FAM13C: variants seen among roughly 807,000 people sequenced by gnomAD.
The protein encoded by FAM13C is protein FAM13C.
A neutral mutation model predicts 73.2 loss-of-function variants in FAM13C; 37 were observed. The ratio of observed to expected loss-of-function variants is 0.51; its 90% CI spans 0.39 to 0.67. The LOEUF is 0.67. Among genes scored for constraint, FAM13C ranks in the 30% least tolerant of loss-of-function variants. FAM13C has a pLI of 0.00. For missense variants in FAM13C, 589 were observed against 715.6 expected (o/e 0.82, Z 2.02); for synonymous variants, 246 against 260.9 (o/e 0.94, Z 0.55).
At chr10:59,264,369 A>C (rs2133483744) in intron 8 of FAM13C, among the ~76,000 whole-genome samples, 1 of 152,322 alleles carries the variant, frequency 6.6e-6, no homozygotes, top group African/African-American at 2.4e-5. Context: ...GGAAACAGTA[A>C]ATATTCTTGA....
intron 10 of FAM13C, 41 bp downstream of exon 10, chr10:59,262,393 G>A (rs1489491567): frequency 6.4e-7 from 1 of 1,556,808 alleles, no homozygotes. Flanking sequence ...GCACTGTGTG[G>A]ACTACAGGGG....
At chr10:59,313,134 G>A (rs73300164) in intron 4 of FAM13C, among the ~76,000 whole-genome samples, 3,820 of 152,246 alleles carry the variant, frequency 0.025, 168 homozygotes, top group African/African-American at 0.087. Flanking sequence ...TTGTATTAGC[G>A]TGGGATCATC....
At chr10:59,278,454 A>G (rs1844564014) in intron 6 of FAM13C, among the ~76,000 whole-genome samples, 1 of 152,234 alleles carries the variant, frequency 6.6e-6, no homozygotes, top group Non-Finnish European at 1.5e-5. Flanking sequence ...AAGAGCTTTT[A>G]CAGCAAAGGT....
intron 5 of FAM13C, among the ~76,000 whole-genome samples, chr10:59,290,307 G>A (rs989678615): frequency 2.0e-5 from 3 of 152,174 alleles, no homozygotes; most frequent in African/African-American, 7.2e-5. Context: ...TAGTTCGTAT[G>A]AAAGGCTTTA....
intron 10 of FAM13C, among the ~76,000 whole-genome samples, chr10:59,257,146 G>A (rs1842026313): frequency 6.6e-6 from 1 of 152,062 alleles, no homozygotes; most frequent in Non-Finnish European, 1.5e-5. Context: ...TAGTATCAGG[G>A]GTATAACTAA....
intron 3 of FAM13C, among the ~76,000 whole-genome samples, chr10:59,330,469 T>C (rs1851822336): frequency 1.3e-5 from 2 of 152,178 alleles, no homozygotes; most frequent in Non-Finnish European, 2.9e-5. Context: ...TCATGAGGCA[T>C]GCGAGTTTTC....
intron 4 of FAM13C, among the ~76,000 whole-genome samples, chr10:59,309,889 G>T (rs918911627): frequency 2.0e-5 from 3 of 152,138 alleles, no homozygotes; most frequent in African/African-American, 7.2e-5. Flanking sequence ...ATGGGCAGCT[G>T]CCAATTCTTA....
rs202246061 is a variant in FAM13C, at chr10:59,247,050, T to A, written c.*564A>T. 7.0e-6 allele frequency: 1 copy of A among 143,506 alleles called. No individual in the cohort carries two copies. The highest frequency in any genetic ancestry group is 2.0e-4 in the East Asian group (1 of 4,882). 8.9% of individuals were successfully genotyped at this position (143,506 alleles called of 1,614,324 possible). A position where few individuals can be genotyped will look rare whatever the true frequency, so the allele number is the denominator to read the frequency against. ...TTATTTTTATAGAGAAAGAAAAAAA[T>A]AGCAACACAATCTAGTTTATTTTAG... On this transcript the variant is annotated 3_prime_UTR_variant, in exon 14 of 14. Transcript: ENST00000618804.
At chr10:59,289,160 G>T (rs568102807) in intron 5 of FAM13C, among the ~76,000 whole-genome samples, 1 of 152,184 alleles carries the variant, frequency 6.6e-6, no homozygotes, top group South Asian at 2.1e-4. Context: ...TAGATTCCTC[G>T]CATGCGCAGT....
intron 6 of FAM13C, among the ~76,000 whole-genome samples, chr10:59,272,290 A>T (rs1319545076): frequency 6.6e-6 from 1 of 152,232 alleles, no homozygotes; most frequent in Non-Finnish European, 1.5e-5. Context: ...AAGCAACACC[A>T]GTCAAAAACT....
chr10:59,293,216 GGC>G (rs1846490846), intron 5 of FAM13C, among the ~76,000 whole-genome samples: 1 of 151,352 alleles, frequency 6.6e-6, no homozygotes, highest in South Asian at 2.1e-4. Context: ...TGGGACTACA[GGC>G]GCCCACCACC....
intron 8 of FAM13C, among the ~76,000 whole-genome samples, chr10:59,267,079 T>G (rs761027531): frequency 4.0e-5 from 6 of 151,856 alleles, no homozygotes; most frequent in Non-Finnish European, 8.8e-5. Context: ...AATCACAGAG[T>G]TCTTAAGTAG....
chr10:59,294,797 C>A (rs938891463), intron 5 of FAM13C, among the ~76,000 whole-genome samples: 6 of 152,176 alleles, frequency 3.9e-5, no homozygotes, highest in African/African-American at 1.2e-4. Flanking sequence ...GGATACTGCT[C>A]CAGCTGAGGA....
chr10:59,264,556 A>G (rs1275375981), intron 8 of FAM13C, among the ~76,000 whole-genome samples: 1 of 152,216 alleles, frequency 6.6e-6, no homozygotes, highest in African/African-American at 2.4e-5. Context: ...GTAGCACTGC[A>G]GATGACTGCA....
In FAM13C at chr10:59,288,895, G is replaced by A. The variant is rs1271032666; in HGVS notation, c.508-5448C>T. Reference sequence around the variant, plus strand: ...ACTTGTAAGTCCTCCTGAACAGAGAGTGGGGACTTGGACACACTGTGTGGG... The same window carrying A: ...ACTTGTAAGTCCTCCTGAACAGAGAATGGGGACTTGGACACACTGTGTGGG... On this transcript the variant is annotated intron_variant, in intron 5 of 13. Coordinates refer to ENST00000618804, the MANE Select transcript of FAM13C (RefSeq NM_198215.4). Among the ~76,000 whole-genome samples the A allele has an allele frequency of 3.9e-5, 6 of 152,170 alleles. 1 individual carries two copies. In the East Asian group the frequency reaches 1.2e-3, roughly 29 times the overall value.
chr10:59,344,964 C>A (rs1459759083), intron 3 of FAM13C, among the ~76,000 whole-genome samples: 5 of 152,114 alleles, frequency 3.3e-5, no homozygotes, highest in Non-Finnish European at 7.4e-5. Context: ...GTCGGTAGAT[C>A]TTGACTGGCC....
rs902656079 is a variant in FAM13C, at chr10:59,246,853, A to G, written c.*761T>C. ...CTATGGACACATTAGATTATATACT[A>G]CAGACACATATCTATCCAAAATACC... On this transcript the variant is annotated 3_prime_UTR_variant, in exon 14 of 14. Coordinates refer to ENST00000618804, the MANE Select transcript of FAM13C (RefSeq NM_198215.4). 5.3e-6 allele frequency: 2 copies of G among 380,468 alleles called. No homozygotes were observed. Among genetic ancestry groups the G allele is most frequent in the Non-Finnish European group, 9.3e-6 (2 of 214,900 alleles). The allele number at this position is 380,468 out of a possible 1,614,324, so 23.6% of individuals were successfully genotyped here. A position where few individuals can be genotyped will look rare whatever the true frequency, so the allele number is the denominator to read the frequency against.
chr10:59,290,557 C>G (rs1242127284), intron 5 of FAM13C, among the ~76,000 whole-genome samples: 2 of 152,188 alleles, frequency 1.3e-5, no homozygotes, highest in Non-Finnish European at 2.9e-5. Flanking sequence ...CTGCCCCCTC[C>G]TCCTCAGACC....
intron 4 of FAM13C, among the ~76,000 whole-genome samples, chr10:59,309,352 A>G (rs949210104): frequency 5.9e-5 from 9 of 152,102 alleles, no homozygotes; most frequent in African/African-American, 1.7e-4. Context: ...CCGTTCACAC[A>G]AGATCTTTCA....
Sources: allele counts gnomAD v4.1 joint callset (sites outside exome capture counted in the v4.1 genomes callset), GRCh38; gene constraint gnomAD v4.1.1; transcripts MANE v1.5; gene names NCBI Gene and HGNC (gene_info 2026-07-23, HGNC 2026-07-21).